The following CCDC158 variants were observed in gnomAD, a reference collection of about 807,000 sequenced individuals.
The protein encoded by CCDC158 is coiled-coil domain containing 158.
In CCDC158, 116 loss-of-function variants were observed where a neutral mutation model predicts 138.6. That is an observed-to-expected ratio of 0.84 (90% CI 0.72 to 0.98). CCDC158 has a LOEUF of 0.98. Ranked by LOEUF, CCDC158 falls within the 50% of genes least tolerant of loss-of-function variation. The pLI, the probability that CCDC158 is intolerant of heterozygous loss-of-function variation, is 0.00. For synonymous variants in CCDC158, 436 were observed against 442.4 expected, an observed-to-expected ratio of 0.99 and a Z score of 0.18; for missense variants, 1,265 against 1,306.1, an observed-to-expected ratio of 0.97 and a Z score of 0.48.
At chr4:76,369,345 A>T in intron 11 of CCDC158, 81 bp downstream of exon 11, 2 of 1,362,354 alleles carry the variant, frequency 1.5e-6, no homozygotes, top group Non-Finnish European at 2.0e-6. Context: ...TGTTAAAAAT[A>T]AAAAGCTCTA....
At chr4:76,352,795 G>A (rs1723175828) in intron 16 of CCDC158, 1 of 191,198 alleles carries the variant, frequency 5.2e-6, no homozygotes, top group Non-Finnish European at 1.1e-5. Flanking sequence ...TCACTTTTTG[G>A]TGGTAAATCA....
upstream of CCDC158, among the ~76,000 whole-genome samples, chr4:76,421,146 G>A (rs1299354475): frequency 6.6e-6 from 1 of 151,990 alleles, no homozygotes; most frequent in Non-Finnish European, 1.5e-5. Flanking sequence ...GAAGCTGCCC[G>A]CGCCCGTCAC....
In CCDC158 at chr4:76,351,754, A is replaced by T. The variant is rs771814803; in HGVS notation, c.2504T>A (p.Val835Glu). ...CAAAGTGTGTTGAAGTTTTAAGCGC[A>T]CTGATTCTTGCTCCTGACGCTGTAT... Reference protein sequence around the residue: ...DIIQRQEQESVRLKLQHTLDI... With the variant: ...DIIQRQEQESERLKLQHTLDI... The change falls in exon 17 of 25, where the codon GTG becomes GAG. Residue 835 changes from valine to glutamate, a missense_variant. Val to Glu is a moderately radical substitution (Grantham distance 121). Transcript: ENST00000682701. 6.2e-7 allele frequency: 1 copy of T among 1,613,414 alleles called. No individual in the cohort carries two copies. The highest frequency in any genetic ancestry group is 1.7e-5 in the Admixed American group (1 of 60,018).
chr4:76,384,779 C>T, intron 4 of CCDC158, 114 bp from the exon 5 acceptor site: 1 of 688,808 alleles, frequency 1.5e-6, no homozygotes, highest in Non-Finnish European at 2.5e-6. Flanking sequence ...CTACTTCCTT[C>T]CCTCACTGCT....
chr4:76,358,352 A>G (rs1352215734), intron 13 of CCDC158, among the ~76,000 whole-genome samples: 1 of 152,052 alleles, frequency 6.6e-6, no homozygotes, highest in Non-Finnish European at 1.5e-5. Context: ...TCCTCATTCT[A>G]TTTATCTGGG....
At chr4:76,325,241 A>T (rs1161224813) in intron 23 of CCDC158, among the ~76,000 whole-genome samples, 1 of 152,230 alleles carries the variant, frequency 6.6e-6, no homozygotes, top group Non-Finnish European at 1.5e-5. Flanking sequence ...ACTTGATGAT[A>T]ATACAACTTT....
intron 18 of CCDC158, among the ~76,000 whole-genome samples, chr4:76,350,416 C>T (rs976254006): frequency 1.6e-4 from 25 of 152,092 alleles, no homozygotes; most frequent in African/African-American, 6.0e-4. Context: ...TTATGGAATG[C>T]CTTATTTCTT....
At chr4:76,404,390 C>T (rs566206330) in intron 2 of CCDC158, among the ~76,000 whole-genome samples, 1 of 152,282 alleles carries the variant, frequency 6.6e-6, no homozygotes, top group Admixed American at 6.5e-5. Flanking sequence ...AAACAACAAA[C>T]ATGAAGCCAA....
At chr4:76,353,921 G>A (rs1280237788) in intron 15 of CCDC158, among the ~76,000 whole-genome samples, 3 of 152,126 alleles carry the variant, frequency 2.0e-5, no homozygotes, top group Admixed American at 1.3e-4. Context: ...AAATACATCA[G>A]TGCATTGAGT....
Position 76,357,457 on chromosome 4 carries a change from A to T in CCDC158, c.2090T>A (p.Leu697Ter). ...SEEMEMTTNKLKMQLKSAQSE... is the reference protein window; with the variant it reads ...SEEMEMTTNK ...CTGTGCAGATTTTAATTGCATTTTC[A>T]ACTTATTTGTAGTCATTTCCATTTC... The change falls in exon 14 of 25, where the codon TTG becomes TAG. Residue 697 changes from leucine (L) to a stop codon, truncating the protein, a stop_gained. Coordinates refer to ENST00000682701, the MANE Select transcript of CCDC158 (RefSeq NM_001394954.1). LOFTEE classifies it high-confidence loss of function. 12 of 1,605,894 alleles carry T rather than the reference A, an allele frequency of 7.5e-6. No individual in the cohort carries two copies. The highest frequency in any genetic ancestry group is 1.0e-5 in the Non-Finnish European group (12 of 1,175,492).
intron 19 of CCDC158, among the ~76,000 whole-genome samples, chr4:76,332,987 T>C (rs996059863): frequency 6.6e-6 from 1 of 152,198 alleles, no homozygotes; most frequent in Non-Finnish European, 1.5e-5. Context: ...ATAAGTGTAA[T>C]AATACTGCCC....
intron 2 of CCDC158, chr4:76,407,353 G>T (rs1221005233): frequency 6.6e-6 from 1 of 151,810 alleles, no homozygotes; most frequent in East Asian, 1.9e-4. Context: ...ATTCCATAAA[G>T]AATTATAACA....
rs540109146 is a variant in CCDC158 at position 76,344,730 on chromosome 4, A to C, written c.2664+6266T>G. ...TGAAGACTTTGTGTGGCTACATGAC[A>C]CTCTTATTGAAACAACAGACTATGC... On this transcript the variant is annotated intron_variant, in intron 18 of 24. Transcript: ENST00000682701. The C allele has an allele frequency of 2.7e-5, 44 of 1,613,864 alleles. No homozygotes were observed. The African/African-American group carries it at 5.2e-4, about 19-fold the overall frequency.
At chr4:76,366,880 G>A (rs1828538) in intron 12 of CCDC158, among the ~76,000 whole-genome samples, 49,801 of 151,896 alleles carry the variant, frequency 0.33, 9,593 homozygotes, top group Non-Finnish European at 0.44. Context: ...GTTGTTGGGA[G>A]TTTTTTGTTT....
chr4:76,349,884 C>A (rs1722897657), intron 18 of CCDC158, among the ~76,000 whole-genome samples: 1 of 152,032 alleles, frequency 6.6e-6, no homozygotes. Flanking sequence ...GTCATCTTGT[C>A]CAGACTACTT....
At chr4:76,375,586 A>T (rs1454120956) in intron 9 of CCDC158, 1 of 702,994 alleles carries the variant, frequency 1.4e-6, no homozygotes, top group East Asian at 2.7e-5. Flanking sequence ...TGCTGAATCA[A>T]CATCAGGAGA....
At chr4:76,336,779 C>A (rs1192697103) in intron 18 of CCDC158, among the ~76,000 whole-genome samples, 1 of 152,178 alleles carries the variant, frequency 6.6e-6, no homozygotes, top group African/African-American at 2.4e-5. Flanking sequence ...CAGGAAAATT[C>A]TGAGCAGAGC....
chr4:76,315,701 T>A (rs1719317114), intron 24 of CCDC158, among the ~76,000 whole-genome samples: 1 of 152,182 alleles, frequency 6.6e-6, no homozygotes, highest in South Asian at 2.1e-4. Flanking sequence ...GACCAAGGAC[T>A]CTCACAGAGT....
At chr4:76,399,270 T>C (rs1450567479) in intron 3 of CCDC158, among the ~76,000 whole-genome samples, 1 of 151,962 alleles carries the variant, frequency 6.6e-6, no homozygotes, top group Admixed American at 6.6e-5. Context: ...AAATTTCAAA[T>C]AAAAAGCTGG....
Sources: allele counts gnomAD v4.1 joint callset (sites outside exome capture counted in the v4.1 genomes callset), GRCh38; gene constraint gnomAD v4.1.1; transcripts MANE v1.5; gene names NCBI Gene and HGNC (gene_info 2026-07-23, HGNC 2026-07-21).